SLC16A10: variants seen among roughly 807,000 people sequenced by gnomAD.
The protein encoded by SLC16A10 is monocarboxylate transporter 10.
A neutral mutation model predicts 40.0 loss-of-function variants in SLC16A10; 27 were observed. The observed-to-expected ratio is 0.67, with a 90% confidence interval of 0.50 to 0.93. SLC16A10 has a LOEUF of 0.93. Ranked by LOEUF, SLC16A10 falls within the 40% of genes least tolerant of loss-of-function variation. The pLI, the probability that SLC16A10 is intolerant of heterozygous loss-of-function variation, is 0.00. For synonymous variants in SLC16A10, 213 were observed against 249.8 expected (o/e 0.85, Z 1.39); for missense variants, 529 against 658.2 (o/e 0.80, Z 2.15).
At chr6:111,196,822 G>A (rs1320441774) in intron 3 of SLC16A10, among the ~76,000 whole-genome samples, 1 of 152,156 alleles carries the variant, frequency 6.6e-6, no homozygotes, top group Non-Finnish European at 1.5e-5. Flanking sequence ...AAAGTATACA[G>A]GAGGATATAC....
At chr6:111,158,712 C>CA (rs1371247452) in intron 1 of SLC16A10, among the ~76,000 whole-genome samples, 1 of 152,054 alleles carries the variant, frequency 6.6e-6, no homozygotes, top group African/African-American at 2.4e-5. Context: ...TTTAAACAAA[C>CA]AAAAATCTAG....
intron 3 of SLC16A10, among the ~76,000 whole-genome samples, chr6:111,198,913 A>G (rs1400050122): frequency 6.6e-6 from 1 of 152,252 alleles, no homozygotes; most frequent in African/African-American, 2.4e-5. Flanking sequence ...AGGAGCATGA[A>G]TCACAAACAG....
intron 4 of SLC16A10, among the ~76,000 whole-genome samples, chr6:111,209,879 C>T (rs1281255869): frequency 7.9e-5 from 12 of 151,946 alleles, no homozygotes; most frequent in Non-Finnish European, 1.5e-5. Context: ...ATCATTTGAA[C>T]AAATGGAAAT....
intron 5 of SLC16A10, 62 bp downstream of exon 5, chr6:111,219,104 A>ATT: frequency 7.1e-7 from 1 of 1,400,638 alleles, no homozygotes. Flanking sequence ...TCAGGTCTTA[A>ATT]TTAAGTCTCA....
rs1384310513 is a variant in SLC16A10, at chr6:111,230,687, A to G, written c.*8452A>G. 6.6e-6 allele frequency: 1 copy of G among 152,212 alleles called. No homozygotes were observed. Among genetic ancestry groups the G allele is most frequent in the African/African-American group, 2.4e-5 (1 of 41,458 alleles). The allele number at this position is 152,212 out of a possible 1,614,324, so 9.4% of individuals were successfully genotyped here. On this transcript the variant is annotated 3_prime_UTR_variant, in exon 6 of 6. Transcript: ENST00000368851. ...TAAAGTTATAGCTACAACAAATTGA[A>G]CCCTGTAGTTATTACTGAAAGAGAG...
intron 1 of SLC16A10, among the ~76,000 whole-genome samples, chr6:111,127,182 T>G (rs1156598532): frequency 6.6e-6 from 1 of 152,174 alleles, no homozygotes; most frequent in Non-Finnish European, 1.5e-5. Flanking sequence ...ATTTTAGTGG[T>G]AGAAATGGTA....
Position 111,178,489 on chromosome 6 carries a change from G to A in SLC16A10, c.942+824G>A, listed in dbSNP as rs79847707. The stretch of plus-strand genomic sequence containing the variant: ...TCACGCCTGTAATCCCACCACTTTG[G>A]GGGGCTGATGCAGGAGTTCAAGACC... On this transcript the variant is annotated intron_variant, in intron 3 of 5. Transcript: ENST00000368851. 0.021 allele frequency: 11,172 copies of A among 524,598 alleles called. 597 individuals are homozygous for A. In the East Asian group the frequency reaches 0.21, roughly 10 times the overall value. The allele number at this position is 524,598 out of a possible 1,614,324, so 32.5% of individuals were successfully genotyped here.
chr6:111,087,868 C>G lies in SLC16A10; in HGVS notation c.116C>G (p.Pro39Arg). ...CCCGGCCCGGGACCCTCGGACAGCCCCGAGGCGGCTGTCGAGAAGGTGGAG... is the reference window on the plus strand; with the variant it reads ...CCCGGCCCGGGACCCTCGGACAGCCGCGAGGCGGCTGTCGAGAAGGTGGAG... ...PPPGPGPSDS[P>R]EAAVEKVEVE... The change falls in exon 1 of 6, where the codon CCC becomes CGC. Residue 39 changes from proline to arginine, a missense_variant. By Grantham distance (103) the Pro-to-Arg change is moderately radical. Transcript: ENST00000368851. 6.6e-7 allele frequency: 1 copy of G among 1,516,046 alleles called. No homozygotes were observed. The highest frequency in any genetic ancestry group is 2.6e-5 in the East Asian group (1 of 38,164). The allele number at this position is 1,516,046 out of a possible 1,614,324, so 93.9% of individuals were successfully genotyped here. A position where few individuals can be genotyped will look rare whatever the true frequency, so the allele number is the denominator to read the frequency against.
chr6:111,187,830 A>C (rs2114560986), intron 3 of SLC16A10, among the ~76,000 whole-genome samples: 1 of 152,286 alleles, frequency 6.6e-6, no homozygotes, highest in South Asian at 2.1e-4. Flanking sequence ...TCATGGATCT[A>C]TTTGGAGCTC....
chr6:111,096,313 T>A (rs986207089), intron 1 of SLC16A10, among the ~76,000 whole-genome samples: 2 of 152,216 alleles, frequency 1.3e-5, no homozygotes, highest in African/African-American at 2.4e-5. Flanking sequence ...ATATTCAAAT[T>A]AAACAAGCAA....
At chr6:111,213,834 G>C (rs775117574) in intron 4 of SLC16A10, among the ~76,000 whole-genome samples, 13 of 152,212 alleles carry the variant, frequency 8.5e-5, no homozygotes, top group Non-Finnish European at 1.6e-4. Context: ...CCTTTAGTTT[G>C]TGATGGGCCA....
At position 111,223,128 on chromosome 6, in the gene SLC16A10, A is replaced by G. The variant is rs549883858; in HGVS notation, c.*893A>G. 24 of 152,336 alleles carry G rather than the reference A, an allele frequency of 1.6e-4. No homozygotes were observed. The highest frequency in any genetic ancestry group is 5.5e-4 in the African/African-American group (23 of 41,570). 9.4% of individuals were successfully genotyped at this position (152,336 alleles called of 1,614,324 possible). Reference sequence around the variant, plus strand: ...CTATCAAGTGGCAGTTACAGGCACAAATTGGTGGAGGCTGGAGGATGGGGA... The same window carrying G: ...CTATCAAGTGGCAGTTACAGGCACAGATTGGTGGAGGCTGGAGGATGGGGA... On this transcript the variant is annotated 3_prime_UTR_variant, in exon 6 of 6. Transcript: ENST00000368851.
At chr6:111,164,449 GT>G (rs1772434313) in intron 1 of SLC16A10, among the ~76,000 whole-genome samples, 1 of 152,094 alleles carries the variant, frequency 6.6e-6, no homozygotes, top group Non-Finnish European at 1.5e-5. Context: ...AGCAAGCAAG[GT>G]GAACAATTTT....
chr6:111,149,145 G>A (rs574678819), intron 1 of SLC16A10, among the ~76,000 whole-genome samples: 2 of 152,150 alleles, frequency 1.3e-5, no homozygotes, highest in Non-Finnish European at 2.9e-5. Flanking sequence ...TGGCAAGTTA[G>A]TAATTCAACT....
intron 1 of SLC16A10, among the ~76,000 whole-genome samples, chr6:111,108,862 C>T (rs1771334207): frequency 6.6e-6 from 1 of 152,178 alleles, no homozygotes; most frequent in Non-Finnish European, 1.5e-5. Context: ...CCTTGATAAG[C>T]TTCCCGGAGA....
intron 1 of SLC16A10, among the ~76,000 whole-genome samples, chr6:111,088,703 CG>C (rs1423206889): frequency 6.6e-6 from 1 of 152,118 alleles, no homozygotes; most frequent in African/African-American, 2.4e-5. Context: ...GGGAGGCAGC[CG>C]GATTAGGGAC....
intron 1 of SLC16A10, among the ~76,000 whole-genome samples, chr6:111,122,439 A>G (rs1003149500): frequency 6.6e-6 from 1 of 152,146 alleles, no homozygotes; most frequent in Non-Finnish European, 1.5e-5. Flanking sequence ...GTGGAACTTT[A>G]ATGACCCACT....
chr6:111,142,162 A>G (rs1771994374), intron 1 of SLC16A10, among the ~76,000 whole-genome samples: 1 of 152,236 alleles, frequency 6.6e-6, no homozygotes, highest in South Asian at 2.1e-4. Flanking sequence ...GTATTGGTGA[A>G]AGAATAGACA....
At chr6:111,098,174 C>T (rs527735064) in intron 1 of SLC16A10, among the ~76,000 whole-genome samples, 9 of 152,096 alleles carry the variant, frequency 5.9e-5, no homozygotes, top group Admixed American at 2.6e-4. Context: ...GGCATGGTGG[C>T]GCATGCCTGT....
Sources: gnomAD v4.1 joint callset for allele counts (sites outside exome capture counted in the v4.1 genomes callset) on GRCh38, gnomAD v4.1.1 for gene constraint, MANE v1.5 for transcripts, NCBI Gene and HGNC (gene_info 2026-07-23, HGNC 2026-07-21) for gene names.